The following MSRA variants were observed in gnomAD, a reference collection of about 807,000 sequenced individuals.
The protein encoded by MSRA is mitochondrial peptide methionine sulfoxide reductase.
Under a neutral mutation model 31.3 loss-of-function variants are expected in MSRA, and 54 were observed. The ratio of observed to expected loss-of-function variants is 1.73; its 90% CI spans 1.39 to 2.17. The LOEUF (loss-of-function observed/expected upper bound fraction) is 2.17. Ranked by LOEUF, MSRA falls within the 30% of genes most tolerant of loss-of-function variation. The probability of loss-of-function intolerance (pLI) is 0.00; values close to 1 mark genes in which losing one functional copy is unlikely to be tolerated. For synonymous variants in MSRA, 169 were observed against 116.5 expected (o/e 1.45, Z -2.90); for missense variants, 507 against 300.9 (o/e 1.69, Z -5.07).
chr8:10,425,594 A>T (rs1046321572), intron 5 of MSRA, among the ~76,000 whole-genome samples: 1 of 152,222 alleles, frequency 6.6e-6, no homozygotes. Flanking sequence ...TGGATCTCAG[A>T]CACAGGCAGG....
At chr8:10,212,130 T>C (rs981019944) in intron 2 of MSRA, among the ~76,000 whole-genome samples, 3 of 151,550 alleles carry the variant, frequency 2.0e-5, no homozygotes, top group Non-Finnish European at 2.9e-5. Flanking sequence ...GAGGTTGCAG[T>C]GAGCCGAGAT....
chr8:10,151,712 G>A (rs1371973350), intron 1 of MSRA, among the ~76,000 whole-genome samples: 1 of 152,096 alleles, frequency 6.6e-6, no homozygotes. Flanking sequence ...GCTTGGGTTG[G>A]GTCAAGGCAC....
chr8:10,213,970 C>G (rs534259379), intron 2 of MSRA, among the ~76,000 whole-genome samples: 1 of 152,196 alleles, frequency 6.6e-6, no homozygotes, highest in Admixed American at 6.5e-5. Context: ...TACCAAGCAG[C>G]AACAGCAGAA....
intron 1 of MSRA, among the ~76,000 whole-genome samples, chr8:10,137,918 G>T (rs891642924): frequency 6.6e-6 from 1 of 152,170 alleles, no homozygotes; most frequent in African/African-American, 2.4e-5. Context: ...GACCGCAAAG[G>T]CATTATCTCT....
intron 1 of MSRA, among the ~76,000 whole-genome samples, chr8:10,131,482 G>GT (rs1229643483): frequency 2.0e-5 from 3 of 152,206 alleles, no homozygotes; most frequent in African/African-American, 7.2e-5. Context: ...ATTCACAAAG[G>GT]TTATGAGTGT....
At chr8:10,271,405 A>T (rs1053874267) in intron 3 of MSRA, among the ~76,000 whole-genome samples, 2 of 135,834 alleles carry the variant, frequency 1.5e-5, no homozygotes, top group African/African-American at 5.5e-5. Context: ...CATTTAGAGT[A>T]CATGACCAAA....
At chr8:10,180,288 G>A (rs1806427835) in intron 1 of MSRA, among the ~76,000 whole-genome samples, 2 of 152,166 alleles carry the variant, frequency 1.3e-5, no homozygotes, top group African/African-American at 4.8e-5. Flanking sequence ...CCAACCCAAT[G>A]GAAGAGGTGC....
At chr8:10,304,167 C>T (rs570219207) in intron 4 of MSRA, among the ~76,000 whole-genome samples, 9 of 152,282 alleles carry the variant, frequency 5.9e-5, no homozygotes, top group African/African-American at 2.2e-4. Flanking sequence ...GAACTTATGA[C>T]CTCAAGTGAT....
At chr8:10,091,522 C>T (rs184769275) in intron 1 of MSRA, among the ~76,000 whole-genome samples, 147 of 151,978 alleles carry the variant, frequency 9.7e-4, no homozygotes, top group Middle Eastern at 3.5e-3. Flanking sequence ...CGGCAGTGAA[C>T]ATGGGAGTAC....
At chr8:10,172,459 G>C (rs1585088932) in intron 1 of MSRA, among the ~76,000 whole-genome samples, 1 of 152,278 alleles carries the variant, frequency 6.6e-6, no homozygotes, top group East Asian at 1.9e-4. Flanking sequence ...CAGGGGAGGG[G>C]GAGGCAAAGG....
chr8:10,107,690 C>G (rs1327081764), intron 1 of MSRA, among the ~76,000 whole-genome samples: 2 of 152,112 alleles, frequency 1.3e-5, no homozygotes, highest in Admixed American at 1.3e-4. Flanking sequence ...TCCAAGAGAG[C>G]TTTCGTCATT....
At chr8:10,354,748 G>A (rs1173437344) in intron 5 of MSRA, among the ~76,000 whole-genome samples, 19 of 129,028 alleles carry the variant, frequency 1.5e-4, no homozygotes, top group African/African-American at 5.7e-4. Flanking sequence ...GTGTGTGTGT[G>A]TGTATATATA....
intron 1 of MSRA, among the ~76,000 whole-genome samples, chr8:10,116,147 A>C (rs1040543875): frequency 6.6e-6 from 1 of 152,224 alleles, no homozygotes; most frequent in African/African-American, 2.4e-5. Context: ...AATGACACTA[A>C]AACTCAAGTT....
chr8:10,165,907 G>A (rs1312304787), intron 1 of MSRA, among the ~76,000 whole-genome samples: 2 of 152,170 alleles, frequency 1.3e-5, no homozygotes, highest in African/African-American at 2.4e-5. Flanking sequence ...TTATACTGAG[G>A]AGGAAATCGA....
At chr8:10,065,169 C>G (rs535168086) in intron 1 of MSRA, among the ~76,000 whole-genome samples, 1 of 152,194 alleles carries the variant, frequency 6.6e-6, no homozygotes, top group Non-Finnish European at 1.5e-5. Context: ...CCTCACACCC[C>G]GAGATGTGTG....
At chr8:10,365,142 C>CAAAAA (rs1171189760) in intron 5 of MSRA, among the ~76,000 whole-genome samples, 1 of 61,276 alleles carries the variant, frequency 1.6e-5, no homozygotes, top group Non-Finnish European at 3.4e-5. Flanking sequence ...GTGAAGCAAC[C>CAAAAA]AAAAAAAAAA....
intron 1 of MSRA, among the ~76,000 whole-genome samples, chr8:10,124,899 G>C (rs1338484247): frequency 6.6e-6 from 1 of 152,174 alleles, no homozygotes; most frequent in East Asian, 1.9e-4. Flanking sequence ...GTACTGGGAA[G>C]ATGTATTTTA....
intron 1 of MSRA, among the ~76,000 whole-genome samples, chr8:10,126,022 G>T (rs1801472325): frequency 6.6e-6 from 1 of 152,320 alleles, no homozygotes; most frequent in African/African-American, 2.4e-5. Flanking sequence ...TTAGGGCAAG[G>T]CTCTGTACTT....
At chr8:10,408,206 G>T (rs546556668) in intron 5 of MSRA, among the ~76,000 whole-genome samples, 1 of 152,262 alleles carries the variant, frequency 6.6e-6, no homozygotes, top group East Asian at 1.9e-4. Flanking sequence ...TCATTCATTA[G>T]CACCACTCTG....
Sources: gnomAD v4.1 joint callset for allele counts (sites outside exome capture counted in the v4.1 genomes callset) on GRCh38, gnomAD v4.1.1 for gene constraint, MANE v1.5 for transcripts, NCBI Gene and HGNC (gene_info 2026-07-23, HGNC 2026-07-21) for gene names.